NBEA: variants seen among roughly 807,000 people sequenced by gnomAD.
The protein encoded by NBEA is neurobeachin.
A neutral mutation model predicts 343.4 loss-of-function variants in NBEA; 44 were observed. The observed-to-expected ratio is 0.13, with a 90% CI of 0.10 to 0.16. NBEA has a LOEUF of 0.16. Ranked by LOEUF, NBEA falls within the 10% of genes least tolerant of loss-of-function variation. The pLI is 1.00. For missense variants in NBEA, 2,555 were observed against 3,631.3 expected (o/e 0.70, Z 7.62); for synonymous variants, 1,175 against 1,238.7 (o/e 0.95, Z 1.08).
intron 35 of NBEA, among the ~76,000 whole-genome samples, chr13:35,293,406 T>G (rs2035922179): frequency 6.6e-6 from 1 of 152,042 alleles, no homozygotes; most frequent in South Asian, 2.1e-4. Flanking sequence ...ACAAGTATAT[T>G]TATTCTTCTT....
At chr13:35,205,940 T>C (rs1375114170) in intron 31 of NBEA, among the ~76,000 whole-genome samples, 1 of 152,074 alleles carries the variant, frequency 6.6e-6, no homozygotes. Context: ...GAGAGATCTA[T>C]GTGCCCAATA....
intron 38 of NBEA, among the ~76,000 whole-genome samples, chr13:35,382,315 A>C (rs1197732033): frequency 6.6e-6 from 1 of 152,166 alleles, no homozygotes; most frequent in East Asian, 1.9e-4. Context: ...AATGATAAAA[A>C]TACCTTTATC....
chr13:35,443,311 T>C (rs2045839501), intron 39 of NBEA, among the ~76,000 whole-genome samples: 1 of 152,182 alleles, frequency 6.6e-6, no homozygotes, highest in African/African-American at 2.4e-5. Flanking sequence ...AGTCATGTGC[T>C]AAAATGGACC....
chr13:35,251,397 C>T lies in NBEA; in HGVS notation c.5776+18778C>T, dbSNP rs2152787995. ...TGACTGTGTGCTGGTGTTCTGCCAT[C>T]TGTCACTACAGAGATCCTCGTCAGT... On this transcript the variant is annotated intron_variant, in intron 34 of 58. Transcript: ENST00000379939. 4 of 1,043,864 alleles carry T rather than the reference C, an allele frequency of 3.8e-6. 1 individual carries two copies. In the Middle Eastern group the frequency reaches 1.3e-3, roughly 348 times the overall value. 64.7% of individuals were successfully genotyped at this position (1,043,864 alleles called of 1,614,324 possible).
At chr13:35,085,784 A>G (rs2064723209) in intron 10 of NBEA, among the ~76,000 whole-genome samples, 3 of 152,112 alleles carry the variant, frequency 2.0e-5, no homozygotes, top group Admixed American at 2.0e-4. Flanking sequence ...GAAAAGAGAA[A>G]GTCAAATTGT....
rs1291010427 is a variant in NBEA, at chr13:35,159,552, T to A, written c.3381T>A (p.Gly1127=). 6.2e-7 allele frequency: 1 copy of A among 1,611,484 alleles called. No individual in the cohort carries two copies. The highest frequency in any genetic ancestry group is 2.2e-5 in the East Asian group (1 of 44,708). ...AAAAAAATGAAGAAAAGGATAATGG[T>A]CCATTGATAACATTAGCAGATGAGA... ...IIKKNEEKDN[G]PLITLADEKE... is the part of the protein sequence containing the mutation. Residue 1127 remains glycine (G), a synonymous_variant, in exon 22 of 59, where the codon GGT becomes GGA. Coordinates refer to ENST00000379939, the MANE Select transcript of NBEA (RefSeq NM_001385012.1).
chr13:35,137,504 AT>A (rs1326917370), intron 17 of NBEA, among the ~76,000 whole-genome samples: 5 of 151,832 alleles, frequency 3.3e-5, no homozygotes, highest in Non-Finnish European at 7.4e-5. Flanking sequence ...AGTTTTAAAA[AT>A]TTTTTTATTG....
At chr13:35,641,250 A>G (rs950454429) in intron 49 of NBEA, among the ~76,000 whole-genome samples, 1 of 152,092 alleles carries the variant, frequency 6.6e-6, no homozygotes, top group Non-Finnish European at 1.5e-5. Context: ...TAAATACACA[A>G]AACCATTTTG....
Position 35,205,267 on chromosome 13 carries a change from C to T in NBEA, c.5367-3433C>T, listed in dbSNP as rs577233826. 3.2e-4 allele frequency among the ~76,000 whole-genome samples: 48 copies of T among 152,164 alleles called. 1 individual carries two copies. Among genetic ancestry groups the T allele is most frequent in the Admixed American group, 2.0e-3 (30 of 15,272 alleles). ...AGGTGCAGAAAAAGATCGGAGAAAT[C>T]GGTCAAATACAGGTTCCTGCTTCTC... On this transcript the variant is annotated intron_variant, in intron 31 of 58. Transcript: ENST00000379939.
chr13:35,184,585 A>T (rs2071556369), intron 30 of NBEA, among the ~76,000 whole-genome samples: 1 of 152,126 alleles, frequency 6.6e-6, no homozygotes, highest in South Asian at 2.1e-4. Flanking sequence ...TGTGATGCAT[A>T]AGCAAAAGAA....
At position 35,654,910 on chromosome 13, in the gene NBEA, A is replaced by G; in HGVS notation, c.8091A>G (p.Ile2697Met). The G allele has an allele frequency of 6.3e-7, 1 of 1,591,964 alleles. No individual in the cohort carries two copies. The highest frequency in any genetic ancestry group is 8.5e-7 in the Non-Finnish European group (1 of 1,172,704). The change falls in exon 54 of 59, where the codon ATA becomes ATG. Residue 2697 changes from isoleucine to methionine, a missense_variant. Ile to Met is a conservative substitution (Grantham distance 10, BLOSUM62 1). Transcript: ENST00000379939. ...TCACAGACCTCGTTGACCAGAGTAT[A>G]CAAATCAATGCACATTGTTTTGTGG... ...RQITDLVDQS[I>M]QINAHCFVVT...
chr13:35,446,376 CCTG>C (rs1401295338), intron 39 of NBEA, among the ~76,000 whole-genome samples: 29 of 152,186 alleles, frequency 1.9e-4, no homozygotes, highest in Admixed American at 1.6e-3. Context: ...GTTCTAGATC[CCTG>C]AGGAATTGCC....
intron 36 of NBEA, among the ~76,000 whole-genome samples, chr13:35,330,882 A>G (rs950622347): frequency 6.6e-6 from 1 of 152,078 alleles, no homozygotes; most frequent in African/African-American, 2.4e-5. Context: ...AGCCTGCTAC[A>G]TATACCATCA....
chr13:35,119,986 G>A lies in NBEA; in HGVS notation c.2243+1512G>A, dbSNP rs138962378. On this transcript the variant is annotated intron_variant, in intron 16 of 58. Coordinates refer to ENST00000379939, the MANE Select transcript of NBEA (RefSeq NM_001385012.1). ...ATTTCATATAGCTCAATCTAATAAT[G>A]TAGTACAATTACTCTCACTCTTCTG... Among the ~76,000 whole-genome samples, 368 of 152,226 alleles carry A rather than the reference G, an allele frequency of 2.4e-3. 1 individual carries two copies. The highest frequency in any genetic ancestry group is 8.5e-3 in the African/African-American group (354 of 41,528).
chr13:35,156,135 G>C lies in NBEA; in HGVS notation c.2580G>C (p.Glu860Asp). Reference sequence around the variant, plus strand: ...TAAAAAACTCTACACCAAGTGCAGAGCTGATGGAAGTTCGTCGTTTATTTT... The same window carrying C: ...TAAAAAACTCTACACCAAGTGCAGACCTGATGGAAGTTCGTCGTTTATTTT... ...TLLKNSTPSA[E>D]LMEVRRLFLS... Residue 860 changes from glutamate to aspartate, a missense_variant, in exon 20 of 59, where the codon GAG becomes GAC. This residue lies in a region of NBEA where 360 missense variants were observed against 519.1 expected (regional missense o/e 0.69). Transcript: ENST00000379939. 1 of 1,593,146 alleles carries C rather than the reference G, an allele frequency of 6.3e-7. No individual in the cohort carries two copies. The highest frequency in any genetic ancestry group is 8.5e-7 in the Non-Finnish European group (1 of 1,171,252).
intron 41 of NBEA, chr13:35,475,596 C>T (rs1174725473): frequency 2.5e-6 from 4 of 1,613,572 alleles, no homozygotes; most frequent in East Asian, 2.2e-5. Flanking sequence ...CAGCACTCCT[C>T]GGCCAGATCC....
chr13:35,042,694 A>T (rs1223657630), intron 2 of NBEA, among the ~76,000 whole-genome samples: 1 of 151,718 alleles, frequency 6.6e-6, no homozygotes, highest in Non-Finnish European at 1.5e-5. Context: ...TAATAACAAA[A>T]TTTTTCACTT....
chr13:35,226,563 A>G (rs2074663227), intron 33 of NBEA, among the ~76,000 whole-genome samples: 1 of 151,738 alleles, frequency 6.6e-6, no homozygotes, highest in Non-Finnish European at 1.5e-5. Flanking sequence ...TTTTATCACT[A>G]GATTTGTTGT....
At position 35,646,372 on chromosome 13, in the gene NBEA, A is replaced by AT. The variant is rs749659823; in HGVS notation, c.7770+33dup. On this transcript the variant is annotated intron_variant, in intron 51 of 58. Transcript: ENST00000379939. ...TGGTAAGACATATCAGCATGTTGAG[A>AT]TTTTTTTTTCTTTCCTTTTTACCTG... 4.3e-4 allele frequency: 679 copies of AT among 1,568,656 alleles called. 4 individuals are homozygous for AT. Among genetic ancestry groups the AT allele is most frequent in the South Asian group, 1.5e-3 (128 of 88,184 alleles).
Sources: allele counts gnomAD v4.1 joint callset (sites outside exome capture counted in the v4.1 genomes callset), GRCh38; gene constraint gnomAD v4.1.1; regional missense constraint gnomAD v4.1.1; transcripts MANE v1.5; gene names NCBI Gene and HGNC (gene_info 2026-07-23, HGNC 2026-07-21).